The following IL21 variants were observed in gnomAD, a reference collection of about 807,000 sequenced individuals.
The protein encoded by IL21 is interleukin-21.
A neutral mutation model predicts 18.4 loss-of-function variants in IL21; 3 were observed. That is an observed-to-expected ratio of 0.16 (90% CI 0.07 to 0.42). The LOEUF is 0.42. IL21 is among the 10% of genes least tolerant of loss of function. IL21 has a pLI of 0.99. For missense variants in IL21, 130 were observed against 188.4 expected (o/e 0.69, Z 1.81); for synonymous variants, 37 against 62.0 (o/e 0.60, Z 1.90).
intron 3 of IL21, among the ~76,000 whole-genome samples, chr4:122,613,129 A>C (rs1489558695): frequency 6.6e-6 from 1 of 152,134 alleles, no homozygotes; most frequent in Non-Finnish European, 1.5e-5. Flanking sequence ...GCAATGTTTT[A>C]ATGTATATTC....
chr4:122,618,983 A>T (rs1381221405), intron 2 of IL21: 2 of 152,058 alleles, frequency 1.3e-5, no homozygotes, highest in Non-Finnish European at 2.9e-5. Flanking sequence ...ACTAGATGCC[A>T]GTAGCACCCC....
rs747693305 is a variant in IL21, at chr4:122,615,765, C to T, written c.277G>A (p.Glu93Lys). 1.5e-5 allele frequency: 25 copies of T among 1,613,644 alleles called. No individual in the cohort carries two copies. The Admixed American group carries it at 4.0e-4, about 26-fold the overall frequency. The change falls in exon 3 of 5, where the codon GAA becomes AAA. Residue 93 changes from glutamate to lysine, a missense_variant. Physicochemically the swap from Glu to Lys is moderately conservative, Grantham distance 56. Transcript: ENST00000648588. ...QLKSANTGNNERIINVSIKKL... is the reference protein window; with the variant it reads ...QLKSANTGNNKRIINVSIKKL... The stretch of plus-strand genomic sequence containing the variant: ...TTAATTGATACATTGATTATCCTTT[C>T]ATTGTTTCCTGTATTTGCTGACTTT...
chr4:122,619,055 G>A (rs959640521), intron 2 of IL21: 1 of 151,954 alleles, frequency 6.6e-6, no homozygotes, highest in Admixed American at 6.6e-5. Flanking sequence ...GTTTTCTGGG[G>A]CACAAAAATC....
intron 2 of IL21, chr4:122,619,299 G>C (rs978692499): frequency 1.3e-5 from 2 of 152,106 alleles, no homozygotes; most frequent in African/African-American, 4.8e-5. Context: ...TCCTGAGTTT[G>C]CCTACTAGTA....
chr4:122,620,553 A>G (rs1040710052), intron 2 of IL21, 148 bp downstream of exon 2: 3 of 707,652 alleles, frequency 4.2e-6, no homozygotes, highest in Non-Finnish European at 6.8e-6. Flanking sequence ...GAATTTAACC[A>G]AAATATAAAT....
intron 3 of IL21, among the ~76,000 whole-genome samples, chr4:122,614,338 G>T (rs1269555946): frequency 6.6e-6 from 1 of 152,116 alleles, no homozygotes; most frequent in African/African-American, 2.4e-5. Context: ...AAAGAAATAA[G>T]AATAATTTTG....
chr4:122,616,044 G>A (rs755246591), intron 2 of IL21, among the ~76,000 whole-genome samples: 3 of 152,222 alleles, frequency 2.0e-5, no homozygotes, highest in African/African-American at 4.8e-5. Flanking sequence ...AGAGAAAGGA[G>A]CCTCACTTCT....
chr4:122,615,328 T>C (rs1056432110), intron 3 of IL21, among the ~76,000 whole-genome samples: 1 of 152,200 alleles, frequency 6.6e-6, no homozygotes, highest in African/African-American at 2.4e-5. Context: ...GAGACCATCC[T>C]GGCTAACATG....
intron 2 of IL21, among the ~76,000 whole-genome samples, chr4:122,618,588 C>T (rs1455874665): frequency 2.6e-5 from 4 of 151,984 alleles, no homozygotes; most frequent in Admixed American, 6.6e-5. Flanking sequence ...AGGTGGATCA[C>T]GGGGTCAAGA....
intron 2 of IL21, among the ~76,000 whole-genome samples, chr4:122,616,775 T>G (rs558557570): frequency 3.8e-4 from 58 of 152,278 alleles, no homozygotes; most frequent in African/African-American, 1.3e-3. Context: ...GTTGAAAAAT[T>G]TTAATGCTGA....
rs1799276086 is a variant in IL21, at chr4:122,612,593, T to TA, written c.*116dup. 1 of 720,320 alleles carries TA rather than the reference T, an allele frequency of 1.4e-6. No homozygotes were observed. The highest frequency in any genetic ancestry group is 2.2e-5 in the Admixed American group (1 of 45,630). 44.6% of individuals were successfully genotyped at this position (720,320 alleles called of 1,614,324 possible). On this transcript the variant is annotated 3_prime_UTR_variant, in exon 5 of 5. Transcript: ENST00000648588. ...GGAAATAATCCTGACTTTGCACACT[T>TA]ATGAGTTTTTTTTTCCCATCGCTAA...
chr4:122,612,919 A>G lies in IL21; in HGVS notation c.370T>C (p.Ser124Pro). The G allele has an allele frequency of 6.3e-7, 1 of 1,599,104 alleles. No individual in the cohort carries two copies. Among genetic ancestry groups the G allele is most frequent in the South Asian group, 1.1e-5 (1 of 89,980 alleles). Residue 124 changes from serine (S) to proline (P), a missense_variant, in exon 4 of 5, where the codon TCA becomes CCA. Transcript: ENST00000648588. Reference protein sequence around the residue: ...RRQKHRLTCPSCDSYEKKPPK... With the variant: ...RRQKHRLTCPPCDSYEKKPPK... ...GGTTTTTTCTCATAAGAATCACATG[A>G]AGGGCATGTCTAGAAATCAATGAAA...
intron 3 of IL21, 23 bp from the exon 4 acceptor site, chr4:122,612,951 C>G: frequency 6.9e-7 from 1 of 1,443,374 alleles, no homozygotes; most frequent in Non-Finnish European, 9.5e-7. Flanking sequence ...GAAAAAGTAA[C>G]AGTCTTCTTT....
chr4:122,612,969 T>G, intron 3 of IL21, 41 bp from the exon 4 acceptor site: 2 of 1,311,602 alleles, frequency 1.5e-6, no homozygotes, highest in Non-Finnish European at 2.1e-6. Context: ...TTTAAAATTT[T>G]TTTCGTAATA....
chr4:122,613,092 C>G (rs1799284963), intron 3 of IL21, among the ~76,000 whole-genome samples, 164 bp from the exon 4 acceptor site: 1 of 152,002 alleles, frequency 6.6e-6, no homozygotes, highest in African/African-American at 2.4e-5. Context: ...TCCTTGTAAT[C>G]CCATTCCCAG....
Position 122,610,129 on chromosome 4 carries a change from T to C in IL21, c.*2581A>G. On this transcript the variant is annotated 3_prime_UTR_variant, in exon 5 of 5. Transcript: ENST00000648588. The stretch of plus-strand genomic sequence containing the variant: ...GTTGTACTGGGCGGGTAGTATTTAA[T>C]ATGATCAGGTCTTAAATAAGAAGCC... 6.6e-6 allele frequency among the ~76,000 whole-genome samples: 1 copy of C among 152,190 alleles called. No homozygotes were observed. Among genetic ancestry groups the C allele is most frequent in the Non-Finnish European group, 1.5e-5 (1 of 68,026 alleles).
chr4:122,612,434 T>G lies in IL21; in HGVS notation c.*276A>C, dbSNP rs1247457942. ...ATAAAATCAATAGATGTCAAAACTG[T>G]ATTTTTGGTTAAAAATTTTAGCCTT... On this transcript the variant is annotated 3_prime_UTR_variant, in exon 5 of 5. Coordinates refer to ENST00000648588, the MANE Select transcript of IL21 (RefSeq NM_021803.4). Among the ~76,000 whole-genome samples, 1 of 152,172 alleles carries G rather than the reference T, an allele frequency of 6.6e-6. No individual in the cohort carries two copies. The highest frequency in any genetic ancestry group is 1.5e-5 in the Non-Finnish European group (1 of 68,014).
chr4:122,615,022 A>G (rs1799316899), intron 3 of IL21, among the ~76,000 whole-genome samples: 1 of 152,188 alleles, frequency 6.6e-6, no homozygotes, highest in African/African-American at 2.4e-5. Flanking sequence ...GCTCCTGTTA[A>G]TAAGAATACA....
chr4:122,616,398 C>T (rs1273308140), intron 2 of IL21, among the ~76,000 whole-genome samples: 1 of 152,172 alleles, frequency 6.6e-6, no homozygotes, highest in Non-Finnish European at 1.5e-5. Flanking sequence ...TAAAGCCCCT[C>T]CTTTGGAGAA....
Sources: gnomAD v4.1 joint callset for allele counts (sites outside exome capture counted in the v4.1 genomes callset) on GRCh38, gnomAD v4.1.1 for gene constraint, MANE v1.5 for transcripts, NCBI Gene and HGNC (gene_info 2026-07-23, HGNC 2026-07-21) for gene names.